Variants in FGF10 observed in about 807,000 individuals in gnomAD.
FGF10 encodes the protein fibroblast growth factor 10.
In FGF10, 2 loss-of-function variants were observed where a neutral mutation model predicts 19.8. The ratio of observed to expected loss-of-function variants is 0.10; its 90% CI spans 0.04 to 0.32. The LOEUF is 0.32. Ranked by LOEUF, FGF10 falls within the 10% of genes least tolerant of loss-of-function variation. FGF10 has a pLI of 1.00. For missense variants in FGF10, 191 were observed against 246.3 expected (o/e 0.78, Z 1.50); for synonymous variants, 112 against 94.0 (o/e 1.19, Z -1.10).
Position 44,325,075 on chromosome 5 carries a change from C to T in FGF10, c.326-14545G>A, listed in dbSNP as rs543872833. On this transcript the variant is annotated intron_variant, in intron 1 of 2. Coordinates refer to ENST00000264664, the MANE Select transcript of FGF10 (RefSeq NM_004465.2). ...CAAATTTAGTGTCATAATAAGTGGG[C>T]GAAGGATATGAGCAGACACAAAAGA... Among the ~76,000 whole-genome samples, 346 of 151,886 alleles carry T rather than the reference C, an allele frequency of 2.3e-3. 2 individuals carry two copies. Among genetic ancestry groups the T allele is most frequent in the African/African-American group, 8.1e-3 (336 of 41,406 alleles).
At chr5:44,340,200 GA>G (rs1454273165) in intron 1 of FGF10, among the ~76,000 whole-genome samples, 1 of 152,074 alleles carries the variant, frequency 6.6e-6, no homozygotes, top group Non-Finnish European at 1.5e-5. Context: ...CAGTGGAGGG[GA>G]AAAGCAGGAG....
rs1741158924 is a variant in FGF10 at position 44,349,162 on chromosome 5, C to T, written c.326-38632G>A. ...TTTGGTTACATTCTCTGCCCCTCTCCCACTTTCTACTTTGAGCAAATTTCT... is the reference window on the plus strand; with the variant it reads ...TTTGGTTACATTCTCTGCCCCTCTCTCACTTTCTACTTTGAGCAAATTTCT... On this transcript the variant is annotated intron_variant, in intron 1 of 2. Transcript: ENST00000264664. Among the ~76,000 whole-genome samples the T allele has an allele frequency of 2.7e-5, 4 of 150,720 alleles. No homozygotes were observed. In the Admixed American group the frequency reaches 2.7e-4, roughly 10 times the overall value.
At chr5:44,367,475 A>G (rs1439853520) in intron 1 of FGF10, among the ~76,000 whole-genome samples, 2 of 152,060 alleles carry the variant, frequency 1.3e-5, no homozygotes, top group African/African-American at 4.8e-5. Context: ...GCATCTTATC[A>G]AAGGGCACAA....
chr5:44,377,507 GC>G (rs1306904645), intron 1 of FGF10, among the ~76,000 whole-genome samples: 2 of 152,140 alleles, frequency 1.3e-5, no homozygotes, highest in East Asian at 3.9e-4. Context: ...TTTCTTTGTT[GC>G]CTTTTATTCT....
chr5:44,325,777 C>G (rs934148829), intron 1 of FGF10, among the ~76,000 whole-genome samples: 2 of 151,866 alleles, frequency 1.3e-5, no homozygotes, highest in Non-Finnish European at 2.9e-5. Flanking sequence ...ATGTAAATGA[C>G]GAGTTAATGG....
At chr5:44,356,589 C>T (rs1741352415) in intron 1 of FGF10, among the ~76,000 whole-genome samples, 3 of 151,314 alleles carry the variant, frequency 2.0e-5, no homozygotes, top group Admixed American at 6.6e-5. Flanking sequence ...TTTCTAATAT[C>T]GGTGTCCCAG....
intron 2 of FGF10, among the ~76,000 whole-genome samples, chr5:44,308,382 A>G (rs1740132615): frequency 6.6e-6 from 1 of 152,164 alleles, no homozygotes; most frequent in African/African-American, 2.4e-5. Flanking sequence ...TATTCATTAA[A>G]ATTATTTACA....
intron 2 of FGF10, among the ~76,000 whole-genome samples, chr5:44,307,634 T>A (rs1740114231): frequency 6.6e-6 from 1 of 152,158 alleles, no homozygotes; most frequent in Admixed American, 6.5e-5. Context: ...CCAAGTCAGA[T>A]TTTTAGGAGG....
At chr5:44,349,447 TATATATATATATATATATATATCAGA>T (rs1171658581) in intron 1 of FGF10, among the ~76,000 whole-genome samples, 374 of 15,396 alleles carry the variant, frequency 0.024, 2 homozygotes, top group South Asian at 0.033. Context: ...TATATATATA[TATATATATATATATATATATATCAGA>T]ATATATATAT....
chr5:44,309,118 C>G (rs17234520), intron 2 of FGF10, among the ~76,000 whole-genome samples: 120 of 152,260 alleles, frequency 7.9e-4, no homozygotes, highest in African/African-American at 2.8e-3. Flanking sequence ...GACACAGGAT[C>G]TGTTTACAAA....
chr5:44,316,720 A>C (rs1482917128), intron 1 of FGF10, among the ~76,000 whole-genome samples: 2 of 152,236 alleles, frequency 1.3e-5, no homozygotes, highest in Non-Finnish European at 2.9e-5. Flanking sequence ...GTGGAAAATT[A>C]GTAACCTCAT....
At chr5:44,332,627 C>G (rs1740761462) in intron 1 of FGF10, among the ~76,000 whole-genome samples, 1 of 152,146 alleles carries the variant, frequency 6.6e-6, no homozygotes, top group Non-Finnish European at 1.5e-5. Context: ...AATAGCGCTT[C>G]TCAAGCTATA....
At chr5:44,336,256 A>T (rs1001082064) in intron 1 of FGF10, among the ~76,000 whole-genome samples, 16 of 152,042 alleles carry the variant, frequency 1.1e-4, no homozygotes, top group African/African-American at 2.9e-4. Context: ...AAAATATATA[A>T]TTTTTGTCTG....
At chr5:44,364,436 G>T (rs2111864426) in intron 1 of FGF10, among the ~76,000 whole-genome samples, 1 of 151,890 alleles carries the variant, frequency 6.6e-6, no homozygotes, top group Admixed American at 6.6e-5. Context: ...AACAGTTTTT[G>T]ACTGTCACAA....
intron 1 of FGF10, among the ~76,000 whole-genome samples, chr5:44,341,331 A>G (rs1740965328): frequency 6.6e-6 from 1 of 152,054 alleles, no homozygotes; most frequent in East Asian, 1.9e-4. Context: ...AATACTTAGG[A>G]GCAAGAATGT....
rs753224728 is a variant in FGF10 at position 44,303,641 on chromosome 5, T to C, written c.*1354A>G. 2.1e-4 allele frequency: 32 copies of C among 152,222 alleles called. No homozygotes were observed. Among genetic ancestry groups the C allele is most frequent in the Non-Finnish European group, 3.8e-4 (26 of 68,040 alleles). The allele number at this position is 152,222 out of a possible 1,614,324, so 9.4% of individuals were successfully genotyped here. On this transcript the variant is annotated 3_prime_UTR_variant, in exon 3 of 3. Transcript: ENST00000264664. ...TGCTCTAACAAAATGAATTTTGATATGGTTACATTATGGAACTTTGTAAAG... is the reference window on the plus strand; with the variant it reads ...TGCTCTAACAAAATGAATTTTGATACGGTTACATTATGGAACTTTGTAAAG...
intron 1 of FGF10, among the ~76,000 whole-genome samples, chr5:44,373,998 C>A (rs1242386108): frequency 1.3e-5 from 2 of 152,070 alleles, no homozygotes; most frequent in Non-Finnish European, 2.9e-5. Flanking sequence ...GTGTCTTAGA[C>A]TAATATAAAT....
rs796471960 is a variant in FGF10, at chr5:44,354,095, C to T, written c.325+34263G>A. Reference sequence around the variant, plus strand: ...TTAAAATATGATGGATCTACCTTGCCTTTGAATATCAAAATGTTCCCTTTT... The same window carrying T: ...TTAAAATATGATGGATCTACCTTGCTTTTGAATATCAAAATGTTCCCTTTT... On this transcript the variant is annotated intron_variant, in intron 1 of 2. Transcript: ENST00000264664. 1.5e-4 allele frequency among the ~76,000 whole-genome samples: 22 copies of T among 151,178 alleles called. 2 individuals are homozygous for T. The highest frequency in any genetic ancestry group is 5.3e-4 in the African/African-American group (22 of 41,338).
chr5:44,367,414 T>C (rs1022754205), intron 1 of FGF10, among the ~76,000 whole-genome samples: 1 of 152,092 alleles, frequency 6.6e-6, no homozygotes. Context: ...TGATGTAGCA[T>C]AGTGACTAAT....
Sources: allele counts gnomAD v4.1 joint callset (sites outside exome capture counted in the v4.1 genomes callset), GRCh38; gene constraint gnomAD v4.1.1; transcripts MANE v1.5; gene names NCBI Gene and HGNC (gene_info 2026-07-23, HGNC 2026-07-21).